LHFPL2: variants seen among roughly 807,000 people sequenced by gnomAD.
LHFPL2 encodes the protein LHFPL tetraspan subfamily member 2 protein.
Under a neutral mutation model 17.5 loss-of-function variants are expected in LHFPL2, and 7 were observed. That is an observed-to-expected ratio of 0.40 (90% CI 0.23 to 0.75). The LOEUF (loss-of-function observed/expected upper bound fraction) is 0.75. Ranked by LOEUF, LHFPL2 falls within the 30% of genes least tolerant of loss-of-function variation. The pLI is 0.37. For synonymous variants in LHFPL2, 134 were observed against 116.2 expected (o/e 1.15, Z -0.99); for missense variants, 241 against 294.8 (o/e 0.82, Z 1.34).
intron 3 of LHFPL2, among the ~76,000 whole-genome samples, chr5:78,543,212 G>A (rs930020582): frequency 2.0e-5 from 3 of 152,062 alleles, no homozygotes; most frequent in East Asian, 1.9e-4. Flanking sequence ...CTCCTCACCC[G>A]GCATCTATAA....
At position 78,500,351 on chromosome 5, in the gene LHFPL2, G is replaced by A. The variant is rs187132614; in HGVS notation, c.430+9433C>T. Among the ~76,000 whole-genome samples the A allele has an allele frequency of 2.9e-3, 444 of 152,212 alleles. 1 individual carries two copies. The highest frequency in any genetic ancestry group is 4.8e-3 in the Non-Finnish European group (329 of 68,012). ...CCCCTGAATCCTTGCACCACTATCC[G>A]TGATCCAGTGGGTGTTAGTTAAACC... On this transcript the variant is annotated intron_variant, in intron 4 of 4. Coordinates refer to ENST00000380345, the MANE Select transcript of LHFPL2 (RefSeq NM_005779.3).
chr5:78,628,514 T>C lies in LHFPL2; in HGVS notation c.-245+3750A>G, dbSNP rs1745137215. Among the ~76,000 whole-genome samples the C allele has an allele frequency of 2.0e-5, 3 of 152,208 alleles. No individual in the cohort carries two copies. The South Asian group carries it at 6.2e-4, about 31-fold the overall frequency. Reference sequence around the variant, plus strand: ...GATCAGATGTTTCCCCACCCCTCCCTGGTGCTCCGCTCAAAGGAGCAGCAG... The same window carrying C: ...GATCAGATGTTTCCCCACCCCTCCCCGGTGCTCCGCTCAAAGGAGCAGCAG... On this transcript the variant is annotated intron_variant, in intron 2 of 4. Transcript: ENST00000380345.
chr5:78,577,391 C>G (rs1003102233), intron 2 of LHFPL2, among the ~76,000 whole-genome samples: 1 of 152,180 alleles, frequency 6.6e-6, no homozygotes, highest in Non-Finnish European at 1.5e-5. Flanking sequence ...TCCACAATCT[C>G]CCATTGGTAT....
At chr5:78,601,073 T>G (rs1398530138) in intron 2 of LHFPL2, among the ~76,000 whole-genome samples, 3 of 152,130 alleles carry the variant, frequency 2.0e-5, no homozygotes, top group Non-Finnish European at 4.4e-5. Context: ...CTGCAGGCCC[T>G]GGGGGTACTC....
At chr5:78,632,608 C>G (rs534708948) in intron 1 of LHFPL2, among the ~76,000 whole-genome samples, 10 of 152,248 alleles carry the variant, frequency 6.6e-5, no homozygotes, top group Admixed American at 6.5e-4. Flanking sequence ...AGTTTCCTCC[C>G]CTGCAGTACC....
chr5:78,528,714 C>G (rs1481746341), intron 3 of LHFPL2, among the ~76,000 whole-genome samples: 1 of 152,278 alleles, frequency 6.6e-6, no homozygotes, highest in Middle Eastern at 3.4e-3. Flanking sequence ...AATGCACCAC[C>G]CCTTAACTCC....
At chr5:78,564,047 T>C (rs1404387963) in intron 3 of LHFPL2, among the ~76,000 whole-genome samples, 3 of 152,180 alleles carry the variant, frequency 2.0e-5, no homozygotes, top group Non-Finnish European at 4.4e-5. Context: ...CCCTTCAACA[T>C]GGCAGACCCT....
At chr5:78,497,661 C>A (rs1219781694) in intron 4 of LHFPL2, among the ~76,000 whole-genome samples, 1 of 152,180 alleles carries the variant, frequency 6.6e-6, no homozygotes, top group East Asian at 1.9e-4. Context: ...GTAGAAAGTT[C>A]TTGACAAGTT....
intron 3 of LHFPL2, among the ~76,000 whole-genome samples, chr5:78,560,048 C>A (rs34026188): frequency 0.36 from 55,403 of 152,094 alleles, 11,125 homozygotes; most frequent in Middle Eastern, 0.47. Flanking sequence ...ACTGAGTACA[C>A]ACAATCAAAG....
At chr5:78,635,369 C>A (rs977097046) in intron 1 of LHFPL2, among the ~76,000 whole-genome samples, 2 of 152,190 alleles carry the variant, frequency 1.3e-5, no homozygotes, top group African/African-American at 4.8e-5. Context: ...ACGCCCCCAA[C>A]ACTCCCACCG....
chr5:78,582,218 G>A (rs1743174192), intron 2 of LHFPL2, among the ~76,000 whole-genome samples: 1 of 151,874 alleles, frequency 6.6e-6, no homozygotes, highest in Non-Finnish European at 1.5e-5. Flanking sequence ...CAATTTTGTT[G>A]ATCCTTTCAA....
At chr5:78,502,828 G>T (rs149391487) in intron 4 of LHFPL2, among the ~76,000 whole-genome samples, 2 of 152,074 alleles carry the variant, frequency 1.3e-5, no homozygotes, top group Non-Finnish European at 2.9e-5. Flanking sequence ...TCAACACTAC[G>T]TCCCTGAACG....
At chr5:78,547,561 A>G (rs1756317239) in intron 3 of LHFPL2, among the ~76,000 whole-genome samples, 1 of 152,244 alleles carries the variant, frequency 6.6e-6, no homozygotes, top group Non-Finnish European at 1.5e-5. Flanking sequence ...CAAAATTTTA[A>G]AATAATTTGC....
rs186367345 is a variant in LHFPL2 at position 78,580,671 on chromosome 5, T to C, written c.-244-15800A>G. Among the ~76,000 whole-genome samples, 1,201 of 152,314 alleles carry C rather than the reference T, an allele frequency of 7.9e-3. 14 individuals carry two copies. Among genetic ancestry groups the C allele is most frequent in the African/African-American group, 0.026 (1,065 of 41,554 alleles). On this transcript the variant is annotated intron_variant, in intron 2 of 4. Coordinates refer to ENST00000380345, the MANE Select transcript of LHFPL2 (RefSeq NM_005779.3). Reference sequence around the variant, plus strand: ...AGATAGTTGGAGATATGCGGCGTTCTTTCTGAGGGCTCTGTTCTGTTCCAT... The same window carrying C: ...AGATAGTTGGAGATATGCGGCGTTCCTTCTGAGGGCTCTGTTCTGTTCCAT...
At chr5:78,542,947 G>A (rs1307075085) in intron 3 of LHFPL2, among the ~76,000 whole-genome samples, 2 of 152,126 alleles carry the variant, frequency 1.3e-5, no homozygotes, top group African/African-American at 2.4e-5. Context: ...TTAACAAAAC[G>A]CAGCCCAAGA....
At chr5:78,568,138 A>G (rs2112421209) in intron 2 of LHFPL2, among the ~76,000 whole-genome samples, 1 of 152,268 alleles carries the variant, frequency 6.6e-6, no homozygotes, top group Non-Finnish European at 1.5e-5. Flanking sequence ...AAATGCAAAT[A>G]TGGGTTTTTA....
At position 78,550,566 on chromosome 5, in the gene LHFPL2, T is replaced by TTATA. The variant is rs559234072; in HGVS notation, c.-186+14246_-186+14247insTATA. ...CTCTTTACTTCTGTTTTATTTATTT[T>TTATA]TATTTATTTATTTATTTATTTTGAG... On this transcript the variant is annotated intron_variant, in intron 3 of 4. Transcript: ENST00000380345. 4.5e-3 allele frequency among the ~76,000 whole-genome samples: 687 copies of TTATA among 151,954 alleles called. 3 individuals are homozygous for TTATA. The highest frequency in any genetic ancestry group is 0.015 in the African/African-American group (636 of 41,488).
chr5:78,610,023 C>A (rs1192072876), intron 2 of LHFPL2, among the ~76,000 whole-genome samples: 1 of 152,086 alleles, frequency 6.6e-6, no homozygotes, highest in Non-Finnish European at 1.5e-5. Flanking sequence ...CCTAAACCTG[C>A]CGGGGGATCA....
chr5:78,509,767 G>C lies in LHFPL2; in HGVS notation c.430+17C>G, dbSNP rs1426969529. On this transcript the variant is annotated intron_variant, in intron 4 of 4. Coordinates refer to ENST00000380345, the MANE Select transcript of LHFPL2 (RefSeq NM_005779.3). ...CCATCCCTCCATCCCACCGTGCCCG[G>C]GGTCCTGCCTTCTTACCTGCAATTC... The C allele has an allele frequency of 1.9e-6, 3 of 1,600,808 alleles. No individual in the cohort carries two copies. Among genetic ancestry groups the C allele is most frequent in the Admixed American group, 3.4e-5 (2 of 59,578 alleles).
Sources: allele counts gnomAD v4.1 joint callset (sites outside exome capture counted in the v4.1 genomes callset), GRCh38; gene constraint gnomAD v4.1.1; transcripts MANE v1.5; gene names NCBI Gene and HGNC (gene_info 2026-07-23, HGNC 2026-07-21).